RAB8B: variants seen among roughly 807,000 people sequenced by gnomAD.
RAB8B encodes the protein RAB8B, member RAS oncogene family, also known as ras-related protein Rab-8B.
A neutral mutation model predicts 32.0 loss-of-function variants in RAB8B; 11 were observed. The ratio of observed to expected loss-of-function variants is 0.34; its 90% CI spans 0.22 to 0.57. The LOEUF is 0.57. Ranked by LOEUF, RAB8B falls within the 20% of genes least tolerant of loss-of-function variation. RAB8B has a pLI of 0.86. For synonymous variants in RAB8B, 103 were observed against 89.6 expected (o/e 1.15, Z -0.85); for missense variants, 190 against 258.5 (o/e 0.73, Z 1.82).
At chr15:63,238,426 A>G (rs557009578) in intron 1 of RAB8B, among the ~76,000 whole-genome samples, 1 of 152,212 alleles carries the variant, frequency 6.6e-6, no homozygotes, top group Admixed American at 6.5e-5. Flanking sequence ...TGTGGCAGCT[A>G]CTTGGGCTGC....
At chr15:63,221,034 G>T (rs558917776) in intron 1 of RAB8B, among the ~76,000 whole-genome samples, 1 of 152,326 alleles carries the variant, frequency 6.6e-6, no homozygotes, top group South Asian at 2.1e-4. Flanking sequence ...AGAGTGAGCA[G>T]AGTTGGCTGG....
chr15:63,254,250 C>G (rs2038142146), intron 3 of RAB8B, among the ~76,000 whole-genome samples: 1 of 152,174 alleles, frequency 6.6e-6, no homozygotes, highest in African/African-American at 2.4e-5. Flanking sequence ...GCTTTAATGT[C>G]ATTTCCTCAG....
chr15:63,237,917 A>G (rs2037996141), intron 1 of RAB8B, among the ~76,000 whole-genome samples: 1 of 151,918 alleles, frequency 6.6e-6, no homozygotes, highest in Non-Finnish European at 1.5e-5. Context: ...TGTATATGGC[A>G]AGAGGTGGGG....
chr15:63,200,648 C>CAA (rs1165302478), intron 1 of RAB8B, among the ~76,000 whole-genome samples: 2 of 75,660 alleles, frequency 2.6e-5, no homozygotes, highest in African/African-American at 4.9e-5. Context: ...CATGACAAGA[C>CAA]AAAAAAAAAA....
At chr15:63,251,121 C>T (rs1216049234) in intron 3 of RAB8B, among the ~76,000 whole-genome samples, 2 of 151,860 alleles carry the variant, frequency 1.3e-5, no homozygotes, top group South Asian at 2.1e-4. Context: ...TGTATTTGTT[C>T]CCCACACTCC....
rs2038087926 is a variant in RAB8B at position 63,248,315 on chromosome 15, C to G, written c.186-1330C>G. 2.0e-5 allele frequency among the ~76,000 whole-genome samples: 3 copies of G among 152,118 alleles called. No homozygotes were observed. Among genetic ancestry groups the G allele is most frequent in the South Asian group, 4.1e-4 (2 of 4,830 alleles). Reference sequence around the variant, plus strand: ...GATCACAAGGTCAGGAGTTTGAGACCAGCCTGGTTAATATGGTGAAACCCC... The same window carrying G: ...GATCACAAGGTCAGGAGTTTGAGACGAGCCTGGTTAATATGGTGAAACCCC... On this transcript the variant is annotated intron_variant, in intron 2 of 7. Coordinates refer to ENST00000321437, the MANE Select transcript of RAB8B (RefSeq NM_016530.3). The surrounding 1 kb of genome is among the most constrained non-coding windows in gnomAD (Gnocchi z 4.4).
chr15:63,243,856 G>A (rs1271475493), intron 1 of RAB8B, among the ~76,000 whole-genome samples: 1 of 152,164 alleles, frequency 6.6e-6, no homozygotes, highest in East Asian at 1.9e-4. Flanking sequence ...CCAAGGGTAT[G>A]GCATCAGCAT....
chr15:63,202,457 G>C (rs1035349641), intron 1 of RAB8B, among the ~76,000 whole-genome samples: 1 of 152,128 alleles, frequency 6.6e-6, no homozygotes, highest in African/African-American at 2.4e-5. Context: ...TGGGTCTCCC[G>C]GTTTCTAACT....
At chr15:63,234,788 C>T (rs2141130300) in intron 1 of RAB8B, among the ~76,000 whole-genome samples, 1 of 152,316 alleles carries the variant, frequency 6.6e-6, no homozygotes, top group East Asian at 1.9e-4. Context: ...CCCAAACCTC[C>T]CACCCCAAGG....
At chr15:63,216,598 C>T (rs1389922235) in intron 1 of RAB8B, among the ~76,000 whole-genome samples, 1 of 146,188 alleles carries the variant, frequency 6.8e-6, no homozygotes, top group African/African-American at 2.5e-5. Context: ...CTCGGTGGCT[C>T]ACGCCTGTAA....
chr15:63,223,509 A>G (rs1051637894), intron 1 of RAB8B, among the ~76,000 whole-genome samples: 6 of 152,238 alleles, frequency 3.9e-5, no homozygotes, highest in South Asian at 4.1e-4. Flanking sequence ...AGTTGCATAC[A>G]GTATTTGGTA....
intron 1 of RAB8B, among the ~76,000 whole-genome samples, chr15:63,242,816 G>T (rs1052145362): frequency 2.0e-5 from 3 of 152,184 alleles, no homozygotes; most frequent in Non-Finnish European, 4.4e-5. Flanking sequence ...TTTGTCACCA[G>T]GGACTGGTTT....
rs546611530 is a variant in RAB8B, at chr15:63,251,605, C to A, written c.246+1900C>A. On this transcript the variant is annotated intron_variant, in intron 3 of 7. Coordinates refer to ENST00000321437, the MANE Select transcript of RAB8B (RefSeq NM_016530.3). ...TTACTTACTGCCTAGTCTTTCCTCA[C>A]ATTACTTCAGATAATTAGAAATTGT... 9.2e-5 allele frequency among the ~76,000 whole-genome samples: 14 copies of A among 152,320 alleles called. No homozygotes were observed. The South Asian group carries it at 2.9e-3, about 32-fold the overall frequency.
At chr15:63,223,040 A>G (rs1290167605) in intron 1 of RAB8B, 1 of 455,988 alleles carries the variant, frequency 2.2e-6, no homozygotes, top group Admixed American at 2.3e-5. Flanking sequence ...TGATTCCTTC[A>G]GAGCAACTTC....
chr15:63,244,017 C>T (rs534741614), intron 1 of RAB8B, among the ~76,000 whole-genome samples: 35 of 152,250 alleles, frequency 2.3e-4, no homozygotes, highest in Non-Finnish European at 3.5e-4. Context: ...AAGGACAATC[C>T]GTTCATACAG....
chr15:63,252,726 A>G (rs1255254123), intron 3 of RAB8B, among the ~76,000 whole-genome samples: 2 of 151,990 alleles, frequency 1.3e-5, no homozygotes, highest in African/African-American at 4.8e-5. Flanking sequence ...ACCATTTTAA[A>G]ATGTATAGTT....
chr15:63,195,605 T>A (rs2037593531), intron 1 of RAB8B, among the ~76,000 whole-genome samples: 1 of 152,208 alleles, frequency 6.6e-6, no homozygotes, highest in African/African-American at 2.4e-5. Flanking sequence ...TTGAATCCAA[T>A]AACTGAATCT....
intron 1 of RAB8B, among the ~76,000 whole-genome samples, chr15:63,236,149 A>G (rs966665564): frequency 7.2e-5 from 11 of 152,320 alleles, no homozygotes; most frequent in Middle Eastern, 3.4e-3. Context: ...CAAGTCTATA[A>G]TTCTATGATT....
chr15:63,210,372 G>C (rs372789763), intron 1 of RAB8B, among the ~76,000 whole-genome samples: 6 of 152,262 alleles, frequency 3.9e-5, no homozygotes, highest in East Asian at 1.9e-4. Flanking sequence ...TTTCATTCTT[G>C]ATTACAAAAT....
Sources: allele counts gnomAD v4.1 joint callset (sites outside exome capture counted in the v4.1 genomes callset), GRCh38; gene constraint gnomAD v4.1.1; non-coding constraint Gnocchi (gnomAD v3.1); transcripts MANE v1.5; gene names NCBI Gene and HGNC (gene_info 2026-07-23, HGNC 2026-07-21).